ZCCHC14: variants seen among roughly 807,000 people sequenced by gnomAD.
The protein encoded by ZCCHC14 is zinc finger CCHC-type containing 14.
ZCCHC14 carries 16 observed loss-of-function variants against 85.0 expected under a neutral mutation model. The observed-to-expected ratio is 0.19, with a 90% CI of 0.13 to 0.29. The LOEUF (loss-of-function observed/expected upper bound fraction) is 0.29. ZCCHC14 is among the 10% of genes least tolerant of loss of function. ZCCHC14 has a pLI of 1.00. For synonymous variants in ZCCHC14, 775 were observed against 630.7 expected (o/e 1.23, Z -3.43); for missense variants, 1,303 against 1,443.5 (o/e 0.90, Z 1.58).
intron 1 of ZCCHC14, among the ~76,000 whole-genome samples, chr16:87,487,647 T>C (rs1362614606): frequency 6.6e-6 from 1 of 152,238 alleles, no homozygotes; most frequent in Non-Finnish European, 1.5e-5. Context: ...ATGCGCTAAG[T>C]GTTAGGCACA....
chr16:87,489,828 ACT>A (rs1298311971), intron 1 of ZCCHC14, among the ~76,000 whole-genome samples: 1 of 152,192 alleles, frequency 6.6e-6, no homozygotes, highest in African/African-American at 2.4e-5. Flanking sequence ...AATAATCACC[ACT>A]GTCTGCATAA....
At chr16:87,473,532 T>A (rs1175785628) in intron 1 of ZCCHC14, 1 of 152,224 alleles carries the variant, frequency 6.6e-6, no homozygotes, top group Non-Finnish European at 1.5e-5. Context: ...GTTAAGTACA[T>A]AATACACACA....
At chr16:87,418,585 C>T (rs148145625) in intron 7 of ZCCHC14, among the ~76,000 whole-genome samples, 983 of 152,336 alleles carry the variant, frequency 6.5e-3, no homozygotes, top group Middle Eastern at 0.014. Flanking sequence ...GCCAGATTCT[C>T]GGAAATTCTG....
chr16:87,482,979 T>C (rs1038340163), intron 1 of ZCCHC14, among the ~76,000 whole-genome samples: 3 of 151,938 alleles, frequency 2.0e-5, no homozygotes, highest in African/African-American at 4.8e-5. Context: ...AAACGCATTA[T>C]ACATTATGCA....
At chr16:87,433,294 AG>A in intron 2 of ZCCHC14, 93 bp from the exon 3 acceptor site, 1 of 1,229,350 alleles carries the variant, frequency 8.1e-7, no homozygotes, top group South Asian at 1.3e-5. Flanking sequence ...TTTCAAAACC[AG>A]GTTCTCAGCA....
At chr16:87,458,507 A>G (rs1911088045) in intron 2 of ZCCHC14, among the ~76,000 whole-genome samples, 1 of 152,172 alleles carries the variant, frequency 6.6e-6, no homozygotes, top group African/African-American at 2.4e-5. Flanking sequence ...GGCTGCAGTA[A>G]GGAGTTACTG....
At chr16:87,478,852 G>A (rs1033070381) in intron 1 of ZCCHC14, among the ~76,000 whole-genome samples, 3 of 151,936 alleles carry the variant, frequency 2.0e-5, no homozygotes, top group Admixed American at 6.6e-5. Flanking sequence ...TGATCCGCCC[G>A]CCTCGGCCTC....
chr16:87,442,221 G>C (rs1484075320), intron 2 of ZCCHC14, among the ~76,000 whole-genome samples: 1 of 152,178 alleles, frequency 6.6e-6, no homozygotes, highest in Admixed American at 6.5e-5. Flanking sequence ...TGCCCCCAAA[G>C]GACGAGGCCA....
intron 1 of ZCCHC14, among the ~76,000 whole-genome samples, chr16:87,489,376 T>C (rs1393155498): frequency 1.3e-5 from 2 of 152,122 alleles, no homozygotes; most frequent in Non-Finnish European, 2.9e-5. Context: ...AAAAACCAAT[T>C]TAGAACACAT....
chr16:87,430,551 TCGCTCTGTTGCC>T (rs1373576299), intron 3 of ZCCHC14, among the ~76,000 whole-genome samples: 8 of 151,536 alleles, frequency 5.3e-5, no homozygotes, highest in Non-Finnish European at 5.9e-5. Context: ...AGATGCAGTC[TCGCTCTGTTGCC>T]CAGGCTGGAG....
At chr16:87,441,909 T>C (rs903639123) in intron 2 of ZCCHC14, among the ~76,000 whole-genome samples, 1 of 152,186 alleles carries the variant, frequency 6.6e-6, no homozygotes, top group Non-Finnish European at 1.5e-5. Context: ...CTCTCTGATG[T>C]GGGGGCTGCG....
chr16:87,437,587 G>A (rs1165073965), intron 2 of ZCCHC14, among the ~76,000 whole-genome samples: 3 of 152,180 alleles, frequency 2.0e-5, no homozygotes, highest in African/African-American at 4.8e-5. Flanking sequence ...GGACAAACAC[G>A]GCTGGGGCAA....
chr16:87,456,594 A>C (rs1910981667), intron 2 of ZCCHC14, among the ~76,000 whole-genome samples: 1 of 141,366 alleles, frequency 7.1e-6, no homozygotes, highest in African/African-American at 2.7e-5. Context: ...TTGTCTTCTT[A>C]GAATTCATGT....
chr16:87,475,935 T>C (rs1019196325), intron 1 of ZCCHC14, among the ~76,000 whole-genome samples: 2 of 152,124 alleles, frequency 1.3e-5, no homozygotes, highest in South Asian at 2.1e-4. Context: ...CAATAAACAC[T>C]TGGACACATC....
chr16:87,440,779 G>T (rs1205793135), intron 2 of ZCCHC14, among the ~76,000 whole-genome samples: 1 of 151,010 alleles, frequency 6.6e-6, no homozygotes, highest in African/African-American at 2.4e-5. Flanking sequence ...GCCGATTTTT[G>T]TATTTTTTTT....
intron 1 of ZCCHC14, among the ~76,000 whole-genome samples, chr16:87,477,136 AAAAAACAAAAC>A (rs1250062400): frequency 1.0e-4 from 15 of 143,218 alleles, no homozygotes; most frequent in Non-Finnish European, 1.5e-4. Flanking sequence ...AAAAAAAAAA[AAAAAACAAAAC>A]AAAACCAAAA....
At position 87,420,176 on chromosome 16, in the gene ZCCHC14, C is replaced by T. The variant is rs898582174; in HGVS notation, c.951-299G>A. On this transcript the variant is annotated intron_variant, in intron 5 of 12. Coordinates refer to ENST00000671377, the MANE Select transcript of ZCCHC14 (RefSeq NM_015144.3). This position sits in a 1 kb window ranked among gnomAD's most constrained non-coding sequence, Gnocchi z 5.0. ...GCCAGAAAGGTGCTTGGACACTGGT[C>T]CCCAGGGCCCCGGCAGCAGCACATT... is the stretch of plus-strand genomic sequence containing the variant. Among the ~76,000 whole-genome samples, 5 of 152,196 alleles carry T rather than the reference C, an allele frequency of 3.3e-5. No homozygotes were observed. The highest frequency in any genetic ancestry group is 4.8e-5 in the African/African-American group (2 of 41,450).
chr16:87,424,537 G>A (rs146771774), intron 3 of ZCCHC14, among the ~76,000 whole-genome samples: 3 of 152,266 alleles, frequency 2.0e-5, no homozygotes, highest in East Asian at 3.9e-4. Flanking sequence ...ATGCAGCAGC[G>A]GGCGGTGTCA....
chr16:87,431,127 G>C (rs1909634913), intron 3 of ZCCHC14, among the ~76,000 whole-genome samples: 1 of 149,226 alleles, frequency 6.7e-6, no homozygotes, highest in Non-Finnish European at 1.5e-5. Flanking sequence ...GACAGAGCAA[G>C]ACAGTGTCAA....
Sources: gnomAD v4.1 joint callset for allele counts (sites outside exome capture counted in the v4.1 genomes callset) on GRCh38, gnomAD v4.1.1 for gene constraint, Gnocchi (gnomAD v3.1) non-coding constraint, MANE v1.5 for transcripts, NCBI Gene and HGNC (gene_info 2026-07-23, HGNC 2026-07-21) for gene names.